Variants in HTR4 observed in about 807,000 individuals in gnomAD.
The protein encoded by HTR4 is 5-hydroxytryptamine receptor 4, also known as 5-hydroxytryptamine (serotonin) receptor 4, G protein-coupled.
HTR4 carries 16 observed loss-of-function variants against 36.8 expected under a neutral mutation model. The ratio of observed to expected loss-of-function variants is 0.43; its 90% confidence interval spans 0.29 to 0.66. HTR4 has a LOEUF of 0.66. HTR4 is among the 30% of genes least tolerant of loss of function. HTR4 has a pLI of 0.13. For missense variants in HTR4, 438 were observed against 490.9 expected (o/e 0.89, Z 1.02); for synonymous variants, 189 against 185.1 (o/e 1.02, Z -0.17).
intron 6 of HTR4, among the ~76,000 whole-genome samples, chr5:148,497,983 T>C (rs1756761988): frequency 1.3e-5 from 2 of 152,202 alleles, no homozygotes; most frequent in South Asian, 4.1e-4. Context: ...GGTTGCATAT[T>C]TCCAAAGACA....
At chr5:148,598,853 A>T (rs978995719) in intron 2 of HTR4, among the ~76,000 whole-genome samples, 1 of 152,218 alleles carries the variant, frequency 6.6e-6, no homozygotes, top group Non-Finnish European at 1.5e-5. Flanking sequence ...GTTGTAAGAC[A>T]CAGACTTTAA....
intron 5 of HTR4, among the ~76,000 whole-genome samples, chr5:148,466,633 G>A (rs955129549): frequency 6.6e-6 from 1 of 150,538 alleles, no homozygotes; most frequent in Non-Finnish European, 1.5e-5. Context: ...TCCTCCCTAC[G>A]GTTCAGTTTC....
chr5:148,595,734 TC>T (rs1761741241), intron 2 of HTR4, among the ~76,000 whole-genome samples: 1 of 152,202 alleles, frequency 6.6e-6, no homozygotes, highest in African/African-American at 2.4e-5. Flanking sequence ...ATTCAATTTA[TC>T]CTTTCCTTTT....
chr5:148,514,978 G>A (rs1237826104), intron 5 of HTR4, among the ~76,000 whole-genome samples: 2 of 151,950 alleles, frequency 1.3e-5, no homozygotes, highest in African/African-American at 4.8e-5. Flanking sequence ...GATGCAGTCT[G>A]ACAACTTTGT....
At chr5:148,580,940 C>G (rs1299938634) in intron 2 of HTR4, among the ~76,000 whole-genome samples, 1 of 151,854 alleles carries the variant, frequency 6.6e-6, no homozygotes, top group Non-Finnish European at 1.5e-5. Flanking sequence ...TGAGGACCCT[C>G]CATACTGTTT....
At chr5:148,454,847 G>A (rs1755060732) in intron 5 of HTR4, among the ~76,000 whole-genome samples, 1 of 152,134 alleles carries the variant, frequency 6.6e-6, no homozygotes, top group South Asian at 2.1e-4. Flanking sequence ...ACCAAGGTCA[G>A]GAACCCCTTC....
Position 148,575,452 on chromosome 5 carries a change from C to T in HTR4, c.27-25190G>A, listed in dbSNP as rs1760854831. ...TAGGAATAATTACTGTCTGGCATGG[C>T]CATGTGTTGACAGAGATCTGGAACC... On this transcript the variant is annotated intron_variant, in intron 2 of 6. Coordinates refer to ENST00000377888, the MANE Select transcript of HTR4 (RefSeq NM_000870.7). 2.0e-5 allele frequency among the ~76,000 whole-genome samples: 3 copies of T among 151,966 alleles called. No individual in the cohort carries two copies. The South Asian group carries it at 6.2e-4, about 31-fold the overall frequency.
chr5:148,620,387 G>T, intron 2 of HTR4, among the ~76,000 whole-genome samples: 1 of 152,296 alleles, frequency 6.6e-6, no homozygotes, highest in East Asian at 1.9e-4. Context: ...AGGGAAGGTG[G>T]TGACCCACTT....
At chr5:148,492,995 A>G (rs1756527267) in intron 6 of HTR4, among the ~76,000 whole-genome samples, 1 of 152,242 alleles carries the variant, frequency 6.6e-6, no homozygotes, top group Non-Finnish European at 1.5e-5. Context: ...ACATTAGCCT[A>G]GAAGTGGGCA....
intron 5 of HTR4, chr5:148,451,371 A>C: frequency 6.3e-7 from 1 of 1,583,928 alleles, no homozygotes; most frequent in Non-Finnish European, 8.6e-7. Context: ...CTTTCTTTGC[A>C]TACTTCTGAG....
At chr5:148,555,200 C>G (rs1759890012) in intron 2 of HTR4, among the ~76,000 whole-genome samples, 1 of 152,038 alleles carries the variant, frequency 6.6e-6, no homozygotes, top group African/African-American at 2.4e-5. Flanking sequence ...TAAACATATC[C>G]TTATAACATG....
downstream of HTR4, among the ~76,000 whole-genome samples, chr5:148,477,796 A>C (rs1755745723): frequency 6.6e-6 from 1 of 152,154 alleles, no homozygotes; most frequent in Non-Finnish European, 1.5e-5. Context: ...TGTACTGGCT[A>C]TGTCAAGCAC....
chr5:148,599,798 A>T (rs1459093450), intron 2 of HTR4, among the ~76,000 whole-genome samples: 1 of 152,038 alleles, frequency 6.6e-6, no homozygotes. Flanking sequence ...TATGCAAAAC[A>T]TCTAAGAAAG....
intron 4 of HTR4, among the ~76,000 whole-genome samples, chr5:148,531,259 C>T (rs1056134381): frequency 6.6e-6 from 1 of 152,084 alleles, no homozygotes; most frequent in Non-Finnish European, 1.5e-5. Context: ...ACCCAAACCT[C>T]GTATTGCGGC....
chr5:148,491,674 T>C (rs115904783), intron 6 of HTR4, among the ~76,000 whole-genome samples: 378 of 152,282 alleles, frequency 2.5e-3, no homozygotes, highest in African/African-American at 8.9e-3. Context: ...AACAAGATCA[T>C]TCCTGATAAA....
intron 6 of HTR4, among the ~76,000 whole-genome samples, chr5:148,496,976 C>T (rs2113746152): frequency 6.6e-6 from 1 of 152,278 alleles, no homozygotes; most frequent in Middle Eastern, 3.4e-3. Flanking sequence ...ATCTGCAAAC[C>T]TGGAGTTCTG....
intron 2 of HTR4, among the ~76,000 whole-genome samples, chr5:148,582,776 G>A (rs1037991424): frequency 4.6e-5 from 7 of 152,174 alleles, no homozygotes; most frequent in South Asian, 2.1e-4. Flanking sequence ...ATTTTTGTAC[G>A]TTGATTTTGT....
intron 2 of HTR4, among the ~76,000 whole-genome samples, chr5:148,572,248 A>G: frequency 6.6e-6 from 1 of 152,084 alleles, no homozygotes; most frequent in South Asian, 2.1e-4. Context: ...TATATGCCAG[A>G]AAGAGTCATA....
At chr5:148,484,899 A>G (rs946897484) in intron 6 of HTR4, among the ~76,000 whole-genome samples, 1 of 151,976 alleles carries the variant, frequency 6.6e-6, no homozygotes, top group African/African-American at 2.4e-5. Flanking sequence ...GCCTTTACAT[A>G]CTCCCTTACA....
Sources: gnomAD v4.1 joint callset for allele counts (sites outside exome capture counted in the v4.1 genomes callset) on GRCh38, gnomAD v4.1.1 for gene constraint, MANE v1.5 for transcripts, NCBI Gene and HGNC (gene_info 2026-07-23, HGNC 2026-07-21) for gene names.